RBFOX1: variants seen among roughly 807,000 people sequenced by gnomAD.
The protein encoded by RBFOX1 is RNA binding protein fox-1 homolog 1.
A neutral mutation model predicts 57.7 loss-of-function variants in RBFOX1; 8 were observed. That is an observed-to-expected ratio of 0.14 (90% CI 0.08 to 0.25). The LOEUF is 0.25. RBFOX1 is among the 10% of genes least tolerant of loss of function. RBFOX1 has a pLI of 1.00. For synonymous variants in RBFOX1, 326 were observed against 222.4 expected, an observed-to-expected ratio of 1.47 and a Z score of -4.15; for missense variants, 611 against 548.5, an observed-to-expected ratio of 1.11 and a Z score of -1.14.
chr16:6,796,462 C>T (rs145967614), intron 3 of RBFOX1, among the ~76,000 whole-genome samples: 84 of 152,292 alleles, frequency 5.5e-4, no homozygotes, highest in Non-Finnish European at 1.0e-3. Context: ...GCCAAATCAA[C>T]ACTCTTCCAC....
At chr16:7,355,204 G>A (rs897963379) in intron 4 of RBFOX1, among the ~76,000 whole-genome samples, 1 of 152,114 alleles carries the variant, frequency 6.6e-6, no homozygotes, top group African/African-American at 2.4e-5. Context: ...CCATCAGTTG[G>A]CTTTGTGCTC....
At chr16:7,701,792 G>C (rs1028048911) in intron 14 of RBFOX1, among the ~76,000 whole-genome samples, 1 of 152,202 alleles carries the variant, frequency 6.6e-6, no homozygotes, top group African/African-American at 2.4e-5. Flanking sequence ...CAGATCTGAA[G>C]TCCAGAACTC....
At chr16:7,310,150 A>G (rs1167902694) in intron 4 of RBFOX1, among the ~76,000 whole-genome samples, 4 of 152,170 alleles carry the variant, frequency 2.6e-5, no homozygotes, top group Non-Finnish European at 5.9e-5. Context: ...AACCATGCTG[A>G]ATACAGGTGA....
intron 1 of RBFOX1, among the ~76,000 whole-genome samples, chr16:6,306,088 G>T (rs1354135006): frequency 1.3e-5 from 2 of 152,170 alleles, no homozygotes; most frequent in African/African-American, 2.4e-5. Flanking sequence ...TGAGTGCAGA[G>T]TATTTGGTGG....
At chr16:5,628,207 C>T (rs2048400258) in intron 3 of RBFOX1, among the ~76,000 whole-genome samples, 1 of 152,194 alleles carries the variant, frequency 6.6e-6, no homozygotes, top group Non-Finnish European at 1.5e-5. Flanking sequence ...AAATACATTG[C>T]AGCCCAGTGT....
At chr16:6,498,176 T>G (rs914604902) in intron 2 of RBFOX1, among the ~76,000 whole-genome samples, 1 of 147,376 alleles carries the variant, frequency 6.8e-6, no homozygotes, top group South Asian at 2.2e-4. Flanking sequence ...CACTACTACC[T>G]GGGAGGTGGA....
chr16:7,709,583 C>T (rs1449307119), intron 15 of RBFOX1: 4 of 1,529,238 alleles, frequency 2.6e-6, no homozygotes, highest in African/African-American at 1.4e-5. Context: ...AATCTGACTG[C>T]CTCTCCTCCC....
intron 3 of RBFOX1, among the ~76,000 whole-genome samples, chr16:6,999,027 C>G (rs549042383): frequency 2.6e-5 from 4 of 151,636 alleles, no homozygotes; most frequent in Admixed American, 1.3e-4. Context: ...CACTACCATG[C>G]CTGGCTAATT....
chr16:7,178,291 C>T (rs2082059393), intron 4 of RBFOX1, among the ~76,000 whole-genome samples: 1 of 152,228 alleles, frequency 6.6e-6, no homozygotes, highest in African/African-American at 2.4e-5. Context: ...ACACAGCCTT[C>T]TTGATTGACG....
intron 4 of RBFOX1, among the ~76,000 whole-genome samples, chr16:7,100,795 A>G (rs144980759): frequency 1.2e-4 from 19 of 152,294 alleles, no homozygotes; most frequent in African/African-American, 3.8e-4. Flanking sequence ...ACCCTCTCCA[A>G]TGTCAGATGA....
intron 4 of RBFOX1, among the ~76,000 whole-genome samples, chr16:7,485,968 T>A (rs2065254779): frequency 6.6e-6 from 1 of 152,200 alleles, no homozygotes; most frequent in South Asian, 2.1e-4. Context: ...AGTTGAGTTG[T>A]GTCAACAGAA....
chr16:6,826,973 A>G (rs1343021318), intron 3 of RBFOX1, among the ~76,000 whole-genome samples: 1 of 152,156 alleles, frequency 6.6e-6, no homozygotes, highest in Non-Finnish European at 1.5e-5. Context: ...CAAGGTTAAA[A>G]TATGATTGCA....
chr16:6,734,603 G>A (rs12928338), intron 3 of RBFOX1, among the ~76,000 whole-genome samples: 32,120 of 152,014 alleles, frequency 0.21, 3,624 homozygotes, highest in East Asian at 0.42. Flanking sequence ...CCTAAACTCA[G>A]TGGGACTAGG....
chr16:5,279,812 A>G (rs1402987585), intron 1 of RBFOX1, among the ~76,000 whole-genome samples: 5 of 152,108 alleles, frequency 3.3e-5, no homozygotes, highest in Admixed American at 6.5e-5. Flanking sequence ...TAATTTATCC[A>G]TTTTAAGAGT....
chr16:6,094,354 G>A (rs2096217797), intron 1 of RBFOX1, among the ~76,000 whole-genome samples: 1 of 152,140 alleles, frequency 6.6e-6, no homozygotes, highest in Non-Finnish European at 1.5e-5. Flanking sequence ...AACCCCAGGT[G>A]GCACTTCTCA....
At chr16:5,759,233 G>A (rs941543226) in intron 3 of RBFOX1, among the ~76,000 whole-genome samples, 4 of 152,158 alleles carry the variant, frequency 2.6e-5, no homozygotes, top group Non-Finnish European at 4.4e-5. Context: ...CATAGCCTGA[G>A]GTCTGTGTTC....
intron 4 of RBFOX1, among the ~76,000 whole-genome samples, chr16:7,460,704 C>T (rs1431980866): frequency 6.6e-6 from 1 of 151,008 alleles, no homozygotes; most frequent in African/African-American, 2.4e-5. Context: ...GCACATGTAC[C>T]CTTGAACTTA....
chr16:7,603,308 A>G (rs1183525835), intron 9 of RBFOX1, among the ~76,000 whole-genome samples: 1 of 152,190 alleles, frequency 6.6e-6, no homozygotes, highest in African/African-American at 2.4e-5. Flanking sequence ...CCAAGTAAAT[A>G]TTTATGGAAT....
intron 2 of RBFOX1, among the ~76,000 whole-genome samples, chr16:5,586,088 C>T (rs1016943007): frequency 2.0e-5 from 3 of 152,128 alleles, no homozygotes; most frequent in Non-Finnish European, 2.9e-5. Flanking sequence ...CATGTAGAAA[C>T]AGAGGCAGAG....
Sources: gnomAD v4.1 joint callset for allele counts (sites outside exome capture counted in the v4.1 genomes callset) on GRCh38, gnomAD v4.1.1 for gene constraint, MANE v1.5 for transcripts, NCBI Gene and HGNC (gene_info 2026-07-23, HGNC 2026-07-21) for gene names.